Variants in AMACR observed in about 807,000 individuals in gnomAD.
AMACR encodes the protein alpha-methylacyl-CoA racemase, also known as 2-methylacyl-CoA racemase.
In AMACR, 18 loss-of-function variants were observed where a neutral mutation model predicts 22.2. The observed-to-expected ratio is 0.81, with a 90% CI of 0.56 to 1.20. The LOEUF (loss-of-function observed/expected upper bound fraction) is 1.20. Among genes scored for constraint, AMACR ranks in the 50% most tolerant of loss-of-function variants. AMACR has a pLI of 0.00. For missense variants in AMACR, 499 were observed against 490.6 expected (o/e 1.02, Z -0.16); for synonymous variants, 213 against 191.3 (o/e 1.11, Z -0.94).
rs201818706 is a variant in AMACR, at chr5:34,004,608, C to T, written c.518G>A (p.Arg173His). ...ATCAATGACCTGACCCTTGCCAGTG[C>T]GTGTGCGGTCAAAAAGAGCCATTAT... ...GIIMALFDRT[R>H]TGKGQVIDAN... The change falls in exon 3 of 5, where the codon CGC (arginine) becomes CAC (histidine). Residue 173 changes from arginine (R) to histidine (H), a missense_variant. Transcript: ENST00000335606. The T allele has an allele frequency of 3.2e-5, 52 of 1,614,100 alleles. No individual in the cohort carries two copies. Among genetic ancestry groups the T allele is most frequent in the South Asian group, 2.0e-4 (18 of 91,080 alleles).
intron 3 of AMACR, 134 bp from the exon 4 acceptor site, chr5:33,998,961 C>T (rs1275756919): frequency 4.4e-5 from 34 of 771,776 alleles, no homozygotes; most frequent in Non-Finnish European, 6.6e-5. Flanking sequence ...TACCTAATTA[C>T]ACAACTTCTC....
Position 33,989,021 on chromosome 5 carries a change from G to A in AMACR, c.*72C>T. On this transcript the variant is annotated 3_prime_UTR_variant, in exon 5 of 5. Coordinates refer to ENST00000335606, the MANE Select transcript of AMACR (RefSeq NM_014324.6). ...TAATACTGTTCCTCCATGTTTCCAT[G>A]CATACAATGTTATGTGTTACTCTAC... 3 of 1,603,398 alleles carry A rather than the reference G, an allele frequency of 1.9e-6. No homozygotes were observed. The highest frequency in any genetic ancestry group is 2.6e-6 in the Non-Finnish European group (3 of 1,175,072).
At chr5:33,999,961 C>T (rs950093112) in intron 3 of AMACR, among the ~76,000 whole-genome samples, 7 of 152,134 alleles carry the variant, frequency 4.6e-5, no homozygotes, top group Admixed American at 2.0e-4. Context: ...TGTATATGCG[C>T]ACTATTTTAA....
intron 4 of AMACR, among the ~76,000 whole-genome samples, chr5:33,990,607 G>C (rs1332434335): frequency 6.6e-6 from 1 of 152,230 alleles, no homozygotes; most frequent in African/African-American, 2.4e-5. Context: ...ATGGCTAAGT[G>C]TCGAATGATA....
At chr5:33,995,858 A>G (rs1753616682) in intron 4 of AMACR, among the ~76,000 whole-genome samples, 1 of 152,230 alleles carries the variant, frequency 6.6e-6, no homozygotes. Flanking sequence ...AGGAGCATTT[A>G]TTCAAGAAAA....
At chr5:34,003,251 G>C (rs370034296) in intron 3 of AMACR, among the ~76,000 whole-genome samples, 1 of 151,316 alleles carries the variant, frequency 6.6e-6, no homozygotes, top group African/African-American at 2.5e-5. Context: ...TCCGAAATCT[G>C]TTTCTAGTCC....
Position 33,988,164 on chromosome 5 carries a change from T to G in AMACR, c.*929A>C, listed in dbSNP as rs1753353791. 1 of 677,768 alleles carries G rather than the reference T, an allele frequency of 1.5e-6. No individual in the cohort carries two copies. Among genetic ancestry groups the G allele is most frequent in the Non-Finnish European group, 2.4e-6 (1 of 413,106 alleles). The allele number at this position is 677,768 out of a possible 1,614,324, so 42.0% of individuals were successfully genotyped here. A position where few individuals can be genotyped will look rare whatever the true frequency, so the allele number is the denominator to read the frequency against. ...CCCTTCCTCACATGCCTTTAGGAAGTTGAGTCCAGGGAAGCTCCAGGAGCA... is the reference window on the plus strand; with the variant it reads ...CCCTTCCTCACATGCCTTTAGGAAGGTGAGTCCAGGGAAGCTCCAGGAGCA... On this transcript the variant is annotated 3_prime_UTR_variant, in exon 5 of 5. Coordinates refer to ENST00000335606, the MANE Select transcript of AMACR (RefSeq NM_014324.6).
chr5:33,998,985 AAGTG>A (rs1362151372), intron 3 of AMACR, among the ~76,000 whole-genome samples, 158 bp from the exon 4 acceptor site: 1 of 152,256 alleles, frequency 6.6e-6, no homozygotes, highest in Non-Finnish European at 1.5e-5. Flanking sequence ...TATTTCCAGA[AAGTG>A]AGTTAGAGCA....
intron 1 of AMACR, 80 bp downstream of exon 1, chr5:34,007,693 G>A (rs1017144695): frequency 4.8e-6 from 7 of 1,447,220 alleles, no homozygotes; most frequent in Admixed American, 2.6e-5. Flanking sequence ...AAGGTGTGGC[G>A]GGTGCAGCCT....
chr5:34,006,191 C>T (rs1441243467), intron 1 of AMACR, among the ~76,000 whole-genome samples: 2 of 152,094 alleles, frequency 1.3e-5, no homozygotes, highest in African/African-American at 2.4e-5. Context: ...TTAGTAAATC[C>T]CTTTTCTCTT....
At position 33,988,815 on chromosome 5, in the gene AMACR, A is replaced by G; in HGVS notation, c.*278T>C. On this transcript the variant is annotated 3_prime_UTR_variant, in exon 5 of 5. Coordinates refer to ENST00000335606, the MANE Select transcript of AMACR (RefSeq NM_014324.6). Reference sequence around the variant, plus strand: ...TAGAACCCATTCAAAATATAAGTCAAGAATCTTAATATCAACAAATATATC... The same window carrying G: ...TAGAACCCATTCAAAATATAAGTCAGGAATCTTAATATCAACAAATATATC... 1.6e-6 allele frequency: 2 copies of G among 1,289,796 alleles called. No individual in the cohort carries two copies. The highest frequency in any genetic ancestry group is 1.9e-5 in the South Asian group (1 of 53,406). 79.9% of individuals were successfully genotyped at this position (1,289,796 alleles called of 1,614,324 possible). A position where few individuals can be genotyped will look rare whatever the true frequency, so the allele number is the denominator to read the frequency against.
intron 3 of AMACR, among the ~76,000 whole-genome samples, chr5:34,001,277 G>A (rs752564682): frequency 6.6e-6 from 1 of 152,214 alleles, no homozygotes; most frequent in Non-Finnish European, 1.5e-5. Flanking sequence ...GCAGTCTGTG[G>A]AACCAGACTA....
intron 4 of AMACR, among the ~76,000 whole-genome samples, chr5:33,994,609 G>T (rs186925344): frequency 8.0e-4 from 122 of 152,282 alleles, no homozygotes; most frequent in African/African-American, 2.9e-3. Context: ...AGGCATTTTG[G>T]CATGGACTAG....
intron 1 of AMACR, 92 bp from the exon 2 acceptor site, chr5:34,005,991 C>T: frequency 2.1e-6 from 3 of 1,438,210 alleles, no homozygotes; most frequent in Non-Finnish European, 1.9e-6. Context: ...AGCACCATTG[C>T]AAGTAATATT....
chr5:34,004,134 G>C (rs1753898796), intron 3 of AMACR, among the ~76,000 whole-genome samples: 1 of 152,212 alleles, frequency 6.6e-6, no homozygotes, highest in Admixed American at 6.5e-5. Flanking sequence ...AGACAGGGAG[G>C]TCCATTTGAC....
chr5:33,998,829 T>A lies in AMACR; in HGVS notation c.553-2A>T. The A allele has an allele frequency of 6.2e-7, 1 of 1,613,832 alleles. No homozygotes were observed. The highest frequency in any genetic ancestry group is 8.5e-7 in the Non-Finnish European group (1 of 1,179,764). ...ACTTAAATATGCTGTTCCTTCCACC[T>A]TTGAGAAAACAGAATACAAGACAAA... On this transcript the variant is annotated splice_acceptor_variant, in intron 3 of 4. Transcript: ENST00000335606. LOFTEE classifies it high-confidence loss of function.
At chr5:33,994,752 G>A (rs549922052) in intron 4 of AMACR, among the ~76,000 whole-genome samples, 1 of 152,196 alleles carries the variant, frequency 6.6e-6, no homozygotes, top group South Asian at 2.1e-4. Context: ...TGCAAAAAGA[G>A]GGGGCTGTAA....
intron 2 of AMACR, among the ~76,000 whole-genome samples, chr5:34,005,306 G>A (rs887347321): frequency 1.6e-5 from 2 of 121,498 alleles, no homozygotes; most frequent in Non-Finnish European, 4.1e-5. Context: ...TGAAAACCAT[G>A]GGCTTTTTTT....
At chr5:33,992,974 T>G (rs922082877) in intron 4 of AMACR, among the ~76,000 whole-genome samples, 1 of 152,180 alleles carries the variant, frequency 6.6e-6, no homozygotes, top group African/African-American at 2.4e-5. Context: ...TTAAGTACAC[T>G]CATACTGCTT....
Sources: gnomAD v4.1 joint callset for allele counts (sites outside exome capture counted in the v4.1 genomes callset) on GRCh38, gnomAD v4.1.1 for gene constraint, MANE v1.5 for transcripts, NCBI Gene and HGNC (gene_info 2026-07-23, HGNC 2026-07-21) for gene names.